Variants in ITGB3BP observed in about 807,000 individuals in gnomAD.
ITGB3BP encodes centromere protein R.
A neutral mutation model predicts 29.1 loss-of-function variants in ITGB3BP; 27 were observed. The ratio of observed to expected loss-of-function variants is 0.93; its 90% confidence interval spans 0.68 to 1.28. The LOEUF (loss-of-function observed/expected upper bound fraction) is 1.28, where lower values mean the gene tolerates loss of function less well. Among genes scored for constraint, ITGB3BP ranks in the 50% most tolerant of loss-of-function variants. The probability of loss-of-function intolerance (pLI) is 0.00; values close to 1 mark genes in which losing one functional copy is unlikely to be tolerated. For missense variants in ITGB3BP, 192 were observed against 200.2 expected, an observed-to-expected ratio of 0.96 and a Z score of 0.25; for synonymous variants, 61 against 61.4, an observed-to-expected ratio of 0.99 and a Z score of 0.03.
chr1:63,483,496 G>C (rs960468034), intron 3 of ITGB3BP, among the ~76,000 whole-genome samples: 1 of 150,848 alleles, frequency 6.6e-6, no homozygotes, highest in Non-Finnish European at 1.5e-5. Context: ...CATTTCATTA[G>C]ACTTTTCTGA....
intron 1 of ITGB3BP, among the ~76,000 whole-genome samples, chr1:63,513,450 C>G (rs1206231883): frequency 6.6e-6 from 1 of 152,028 alleles, no homozygotes; most frequent in Admixed American, 6.6e-5. Flanking sequence ...TTCCAGCATA[C>G]ACAAAAAGTT....
intron 2 of ITGB3BP, among the ~76,000 whole-genome samples, chr1:63,492,017 A>AC (rs1254597860): frequency 2.6e-5 from 4 of 152,200 alleles, no homozygotes; most frequent in Non-Finnish European, 4.4e-5. Flanking sequence ...TGTACAAGGA[A>AC]TGAAAGTCAC....
chr1:63,441,349 T>C (rs1644728100), intron 8 of ITGB3BP, among the ~76,000 whole-genome samples: 2 of 152,168 alleles, frequency 1.3e-5, no homozygotes, highest in Admixed American at 1.3e-4. Flanking sequence ...GTGATTCTCC[T>C]GCCTCAGTCT....
intron 7 of ITGB3BP, among the ~76,000 whole-genome samples, chr1:63,448,379 T>C (rs1308534294): frequency 3.3e-5 from 5 of 150,176 alleles, no homozygotes; most frequent in Non-Finnish European, 7.4e-5. Flanking sequence ...GGTAGCAAAG[T>C]GTTCTGGGGT....
intron 1 of ITGB3BP, among the ~76,000 whole-genome samples, chr1:63,509,009 A>G (rs918890597): frequency 6.6e-6 from 1 of 152,230 alleles, no homozygotes; most frequent in Non-Finnish European, 1.5e-5. Flanking sequence ...TGTTAAAGGT[A>G]TGAGCATGGT....
At chr1:63,522,971 A>G (rs1646493571) in intron 1 of ITGB3BP, 158 bp downstream of exon 1, 1 of 835,000 alleles carries the variant, frequency 1.2e-6, no homozygotes, top group African/African-American at 1.7e-5. Flanking sequence ...GGAGACGTAG[A>G]GTTGAGGGTA....
intron 2 of ITGB3BP, among the ~76,000 whole-genome samples, chr1:63,504,882 G>C (rs1191701386): frequency 2.6e-5 from 4 of 152,170 alleles, no homozygotes; most frequent in African/African-American, 9.7e-5. Flanking sequence ...TGGTGGATAA[G>C]CTTTTTGATG....
chr1:63,493,450 A>C (rs914692142), intron 2 of ITGB3BP, among the ~76,000 whole-genome samples: 27 of 145,318 alleles, frequency 1.9e-4, no homozygotes, highest in East Asian at 4.1e-4. Context: ...ACAAACAAAC[A>C]AACAAACCTG....
chr1:63,486,496 A>C lies in ITGB3BP; in HGVS notation c.184+3587T>G, dbSNP rs911937953. 5.3e-5 allele frequency among the ~76,000 whole-genome samples: 8 copies of C among 152,134 alleles called. No individual in the cohort carries two copies. In the South Asian group the frequency reaches 1.0e-3, roughly 20 times the overall value. On this transcript the variant is annotated intron_variant, in intron 3 of 8. Coordinates refer to ENST00000271002, the MANE Select transcript of ITGB3BP (RefSeq NM_014288.5). ...TATTATATTGTGTATTCTTACAATAAAGCTAGAGAAAAAAGTTATTAAGAA... is the reference window on the plus strand; with the variant it reads ...TATTATATTGTGTATTCTTACAATACAGCTAGAGAAAAAAGTTATTAAGAA...
intron 2 of ITGB3BP, among the ~76,000 whole-genome samples, chr1:63,494,928 G>A (rs1645750792): frequency 1.3e-5 from 2 of 152,062 alleles, no homozygotes; most frequent in East Asian, 3.9e-4. Context: ...TTACCCACCT[G>A]AGTAGCTGAG....
chr1:63,452,005 C>T (rs1644866830), intron 7 of ITGB3BP: 1 of 151,996 alleles, frequency 6.6e-6, no homozygotes, highest in Non-Finnish European at 1.5e-5. Flanking sequence ...TAACAGTCTC[C>T]TCTATGCAGG....
intron 1 of ITGB3BP, among the ~76,000 whole-genome samples, chr1:63,517,949 C>T (rs781553083): frequency 6.6e-6 from 1 of 152,144 alleles, no homozygotes; most frequent in Non-Finnish European, 1.5e-5. Flanking sequence ...TCTTGAACTA[C>T]TGGGCTCAAG....
chr1:63,451,721 A>G (rs755086495), intron 7 of ITGB3BP: 2 of 152,202 alleles, frequency 1.3e-5, no homozygotes, highest in Non-Finnish European at 2.9e-5. Context: ...TCAAAATCAA[A>G]TTACAACAAA....
At chr1:63,515,366 G>C (rs1646292072) in intron 1 of ITGB3BP, among the ~76,000 whole-genome samples, 1 of 151,960 alleles carries the variant, frequency 6.6e-6, no homozygotes, top group Non-Finnish European at 1.5e-5. Flanking sequence ...AAACCACATT[G>C]AGTTCATTAC....
At chr1:63,525,818 C>T (rs903377403), upstream of ITGB3BP, 25 of 1,181,770 alleles carry the variant, frequency 2.1e-5, 1 homozygote, top group Admixed American at 6.5e-5. Flanking sequence ...TAAATAGGTC[C>T]GAAAGACTGA....
In ITGB3BP at chr1:63,493,744, T is replaced by C. The variant is rs114944570; in HGVS notation, c.49-3526A>G. Among the ~76,000 whole-genome samples the C allele has an allele frequency of 4.4e-3, 672 of 152,318 alleles. 5 individuals are homozygous for C. Among genetic ancestry groups the C allele is most frequent in the African/African-American group, 0.015 (618 of 41,580 alleles). On this transcript the variant is annotated intron_variant, in intron 2 of 8. Coordinates refer to ENST00000271002, the MANE Select transcript of ITGB3BP (RefSeq NM_014288.5). ...TTACTTTGTCACCTTGTTTAAAGCA[T>C]ACACTACCAAAAAAGTGCCTACATT...
At chr1:63,506,735 A>G (rs1370582911) in intron 2 of ITGB3BP, among the ~76,000 whole-genome samples, 2 of 152,170 alleles carry the variant, frequency 1.3e-5, no homozygotes, top group African/African-American at 2.4e-5. Context: ...ACTTCAACCA[A>G]CTGGCATATA....
At chr1:63,502,369 C>T (rs7416153) in intron 2 of ITGB3BP, among the ~76,000 whole-genome samples, 111,508 of 152,044 alleles carry the variant, frequency 0.73, 42,982 homozygotes, top group Non-Finnish European at 0.85. Context: ...CTCTGCTTCC[C>T]TCATTAGAAG....
rs891999459 is a variant in ITGB3BP at position 63,453,969 on chromosome 1, T to C, written c.433A>G (p.Lys145Glu). The C allele has an allele frequency of 1.5e-5, 23 of 1,570,142 alleles. No homozygotes were observed. Among genetic ancestry groups the C allele is most frequent in the Non-Finnish European group, 2.0e-5 (23 of 1,146,094 alleles). ...TCAAACAGTTTTTGTTTATTCACTTTTGTCACTAAAAGAAGTAAAAATCCC... is the reference window on the plus strand; with the variant it reads ...TCAAACAGTTTTTGTTTATTCACTTCTGTCACTAAAAGAAGTAAAAATCCC... ...EMQKTKELMTKVNKQKLFEKS... is the reference protein window; with the variant it reads ...EMQKTKELMTEVNKQKLFEKS... Residue 145 changes from lysine to glutamate, a missense_variant, in exon 7 of 9, where the codon AAA becomes GAA. Coordinates refer to ENST00000271002, the MANE Select transcript of ITGB3BP (RefSeq NM_014288.5).
Sources: allele counts gnomAD v4.1 joint callset (sites outside exome capture counted in the v4.1 genomes callset), GRCh38; gene constraint gnomAD v4.1.1; transcripts MANE v1.5; gene names NCBI Gene and HGNC (gene_info 2026-07-23, HGNC 2026-07-21).